Variants in MYO16 observed in about 807,000 individuals in gnomAD.
MYO16 encodes the protein myosin XVI.
A neutral mutation model predicts 205.3 loss-of-function variants in MYO16; 94 were observed. The ratio of observed to expected loss-of-function variants is 0.46; its 90% CI spans 0.39 to 0.54. The LOEUF (loss-of-function observed/expected upper bound fraction) is 0.54. MYO16 is among the 20% of genes least tolerant of loss of function. MYO16 has a pLI of 0.00. For synonymous variants in MYO16, 988 were observed against 954.0 expected, an observed-to-expected ratio of 1.04 and a Z score of -0.66; for missense variants, 2,315 against 2,387.5, an observed-to-expected ratio of 0.97 and a Z score of 0.63.
chr13:108,882,306 G>A (rs1401903141), intron 12 of MYO16, among the ~76,000 whole-genome samples: 1 of 152,178 alleles, frequency 6.6e-6, no homozygotes, highest in Admixed American at 6.5e-5. Context: ...TAGAGCTAGA[G>A]ATTCAGGCCA....
Position 109,165,067 on chromosome 13 carries a change from CTTT to C in MYO16, c.5323+11_5323+13del. ...GAAATTCCATCTCAAATGGTAAGCA[CTTT>C]TTAAACTCAGAAGTAAATGTACAAA... On this transcript the variant is annotated intron_variant, in intron 33 of 34. Coordinates refer to ENST00000457511, the MANE Select transcript of MYO16 (RefSeq NM_001198950.3). The C allele has an allele frequency of 6.3e-7, 1 of 1,583,734 alleles. No homozygotes were observed. Among genetic ancestry groups the C allele is most frequent in the South Asian group, 1.2e-5 (1 of 85,784 alleles).
chr13:108,565,870 C>A, the MYO16 span, among the ~76,000 whole-genome samples: 3 of 151,864 alleles, frequency 2.0e-5, no homozygotes, highest in African/African-American at 4.8e-5. Flanking sequence ...ACCCAGTTTT[C>A]TGATGGTTTT....
At chr13:108,856,152 C>G (rs916364638) in intron 11 of MYO16, among the ~76,000 whole-genome samples, 2 of 152,198 alleles carry the variant, frequency 1.3e-5, no homozygotes, top group African/African-American at 4.8e-5. Context: ...GCACTGATAA[C>G]AGTTTAGGCA....
intron 3 of MYO16, among the ~76,000 whole-genome samples, chr13:108,719,173 G>A (rs1044580156): frequency 6.6e-6 from 1 of 152,100 alleles, no homozygotes; most frequent in Non-Finnish European, 1.5e-5. Context: ...AGATAACAAG[G>A]CATTTTCCAC....
At chr13:108,973,174 C>G (rs997214130) in intron 20 of MYO16, among the ~76,000 whole-genome samples, 1 of 151,332 alleles carries the variant, frequency 6.6e-6, no homozygotes, top group Non-Finnish European at 1.5e-5. Context: ...TTTCACAAGT[C>G]GAAACTGATT....
chr13:108,927,000 G>T (rs1415464421), intron 16 of MYO16, among the ~76,000 whole-genome samples: 1 of 152,132 alleles, frequency 6.6e-6, no homozygotes, highest in Non-Finnish European at 1.5e-5. Context: ...CTGGCACGGT[G>T]CATATCTCAG....
intron 8 of MYO16, among the ~76,000 whole-genome samples, chr13:108,821,890 C>T (rs1476057170): frequency 1.3e-5 from 2 of 152,162 alleles, no homozygotes; most frequent in South Asian, 2.1e-4. Flanking sequence ...ATATGAGACA[C>T]AGTGCTGGGC....
chr13:108,655,394 T>C (rs1180666141), intron 1 of MYO16, among the ~76,000 whole-genome samples: 2 of 151,576 alleles, frequency 1.3e-5, no homozygotes, highest in African/African-American at 4.9e-5. Flanking sequence ...AAGTCAAAAA[T>C]TGGAGTTTGG....
the MYO16 span, among the ~76,000 whole-genome samples, chr13:108,517,050 C>T: frequency 2.7e-3 from 404 of 152,234 alleles, 3 homozygotes; most frequent in African/African-American, 9.1e-3. Flanking sequence ...CCCACCTTAC[C>T]TTCTGAGCAG....
At chr13:109,041,494 A>G (rs569165465) in intron 23 of MYO16, among the ~76,000 whole-genome samples, 1 of 152,352 alleles carries the variant, frequency 6.6e-6, no homozygotes, top group Non-Finnish European at 1.5e-5. Context: ...CATGTTACAC[A>G]TAGGTTAATG....
chr13:108,582,658 C>T, the MYO16 span, among the ~76,000 whole-genome samples: 1 of 152,102 alleles, frequency 6.6e-6, no homozygotes, highest in Admixed American at 6.6e-5. Context: ...TGAGTTGAAT[C>T]TTGAGAAGAC....
intron 12 of MYO16, among the ~76,000 whole-genome samples, chr13:108,870,216 A>T (rs1001747518): frequency 6.6e-5 from 10 of 152,050 alleles, no homozygotes; most frequent in African/African-American, 2.4e-4. Context: ...TTTGTGAATT[A>T]TAATTCCTGA....
intron 27 of MYO16, among the ~76,000 whole-genome samples, chr13:109,093,830 C>T (rs956148390): frequency 6.6e-6 from 1 of 152,100 alleles, no homozygotes; most frequent in African/African-American, 2.4e-5. Context: ...TTTCCTGCCC[C>T]TCTCCAGCCG....
intron 7 of MYO16, among the ~76,000 whole-genome samples, chr13:108,816,781 T>A (rs1875636212): frequency 6.6e-6 from 1 of 152,220 alleles, no homozygotes. Context: ...TATGCCCTCC[T>A]GAACACCACT....
At chr13:108,631,751 G>T (rs1339429455) in intron 1 of MYO16, among the ~76,000 whole-genome samples, 1 of 152,156 alleles carries the variant, frequency 6.6e-6, no homozygotes, top group African/African-American at 2.4e-5. Flanking sequence ...TGAAAAAAAT[G>T]CATCTTGAGC....
intron 16 of MYO16, among the ~76,000 whole-genome samples, chr13:108,926,630 T>G (rs906166835): frequency 1.3e-5 from 2 of 152,058 alleles, no homozygotes; most frequent in Non-Finnish European, 2.9e-5. Flanking sequence ...GAACCTGTCA[T>G]CTAGAGACCA....
the MYO16 span, among the ~76,000 whole-genome samples, chr13:108,518,372 T>C: frequency 6.6e-6 from 1 of 152,158 alleles, no homozygotes; most frequent in Non-Finnish European, 1.5e-5. Context: ...TTTTGATACA[T>C]CAAGAAGATG....
At chr13:109,161,565 C>A (rs1030816008) in intron 32 of MYO16, among the ~76,000 whole-genome samples, 3 of 152,164 alleles carry the variant, frequency 2.0e-5, no homozygotes, top group African/African-American at 7.2e-5. Context: ...CTAATATACA[C>A]CTGGGTGATG....
chr13:108,520,295 A>G, the MYO16 span, among the ~76,000 whole-genome samples: 1 of 152,198 alleles, frequency 6.6e-6, no homozygotes, highest in Non-Finnish European at 1.5e-5. Flanking sequence ...TAATATGCAC[A>G]TTGTAATAGA....
Sources: allele counts gnomAD v4.1 joint callset (sites outside exome capture counted in the v4.1 genomes callset), GRCh38; gene constraint gnomAD v4.1.1; transcripts MANE v1.5; gene names NCBI Gene and HGNC (gene_info 2026-07-23, HGNC 2026-07-21).